The following FSTL4 variants were observed in gnomAD, a reference collection of about 807,000 sequenced individuals.
FSTL4 encodes follistatin like 4.
A neutral mutation model predicts 78.2 loss-of-function variants in FSTL4; 28 were observed. That is an observed-to-expected ratio of 0.36 (90% confidence interval 0.27 to 0.49). The LOEUF (loss-of-function observed/expected upper bound fraction) is 0.49, where lower values mean the gene tolerates loss of function less well. Ranked by LOEUF, FSTL4 falls within the 20% of genes least tolerant of loss-of-function variation. The probability of loss-of-function intolerance (pLI) is 0.98; values close to 1 mark genes in which losing one functional copy is unlikely to be tolerated. For synonymous variants in FSTL4, 422 were observed against 440.5 expected, an observed-to-expected ratio of 0.96 and a Z score of 0.53; for missense variants, 922 against 1,084.9, an observed-to-expected ratio of 0.85 and a Z score of 2.11.
At chr5:133,623,188 A>G in the FSTL4 span, among the ~76,000 whole-genome samples, 1 of 152,048 alleles carries the variant, frequency 6.6e-6, no homozygotes, top group Non-Finnish European at 1.5e-5. Flanking sequence ...TAGAAATTGC[A>G]AGTGTCCCTG....
At chr5:133,578,473 G>C (rs1200134370) in intron 2 of FSTL4, among the ~76,000 whole-genome samples, 2 of 152,218 alleles carry the variant, frequency 1.3e-5, no homozygotes, top group African/African-American at 4.8e-5. Flanking sequence ...GTTCTGTCCA[G>C]GGCTTTCTGA....
At chr5:133,527,205 G>C (rs1759148654) in intron 3 of FSTL4, among the ~76,000 whole-genome samples, 1 of 152,164 alleles carries the variant, frequency 6.6e-6, no homozygotes, top group Non-Finnish European at 1.5e-5. Flanking sequence ...TTTTGATTCT[G>C]TGTTTGAACA....
At chr5:133,811,429 A>G in the FSTL4 span, among the ~76,000 whole-genome samples, 5 of 152,130 alleles carry the variant, frequency 3.3e-5, no homozygotes, top group African/African-American at 1.2e-4. Context: ...CCTATCCTGA[A>G]CAAAAGCTCC....
chr5:133,687,684 A>G, the FSTL4 span, among the ~76,000 whole-genome samples: 1 of 152,222 alleles, frequency 6.6e-6, no homozygotes, highest in Non-Finnish European at 1.5e-5. Context: ...TATTCTCCAA[A>G]TGCATACATT....
At chr5:133,696,780 C>T in the FSTL4 span, among the ~76,000 whole-genome samples, 1 of 152,216 alleles carries the variant, frequency 6.6e-6, no homozygotes. Context: ...ACACCCACAG[C>T]CTCTGTGTTA....
At chr5:133,423,108 A>G (rs1342886892) in intron 3 of FSTL4, among the ~76,000 whole-genome samples, 1 of 152,220 alleles carries the variant, frequency 6.6e-6, no homozygotes, top group East Asian at 1.9e-4. Context: ...GGAAAGAAAA[A>G]GAAAAGATCC....
At chr5:133,657,535 T>A in the FSTL4 span, among the ~76,000 whole-genome samples, 2 of 152,230 alleles carry the variant, frequency 1.3e-5, no homozygotes, top group Admixed American at 6.5e-5. Context: ...TTTGTTATTT[T>A]ATTATTTCTC....
chr5:133,770,240 G>T, the FSTL4 span, among the ~76,000 whole-genome samples: 2 of 151,828 alleles, frequency 1.3e-5, no homozygotes, highest in African/African-American at 4.8e-5. Context: ...TTTCCCTTTG[G>T]GTAGATACTC....
the FSTL4 span, among the ~76,000 whole-genome samples, chr5:133,787,603 G>A: frequency 6.2e-5 from 7 of 113,584 alleles, no homozygotes; most frequent in Non-Finnish European, 1.2e-4. Flanking sequence ...CCTGAGGCCT[G>A]CACTCCACTC....
chr5:133,376,771 C>A (rs1217948758), intron 4 of FSTL4, among the ~76,000 whole-genome samples: 2 of 151,888 alleles, frequency 1.3e-5, no homozygotes, highest in African/African-American at 2.4e-5. Flanking sequence ...CACCTATAAT[C>A]CCAGCTACTT....
At chr5:133,243,498 T>C (rs547161087) in intron 7 of FSTL4, among the ~76,000 whole-genome samples, 1 of 152,296 alleles carries the variant, frequency 6.6e-6, no homozygotes, top group East Asian at 1.9e-4. Context: ...ATTTGATACA[T>C]TCCACTGGGG....
chr5:133,348,674 C>T (rs1754753697), intron 4 of FSTL4, among the ~76,000 whole-genome samples: 1 of 152,224 alleles, frequency 6.6e-6, no homozygotes, highest in Non-Finnish European at 1.5e-5. Context: ...CAACCTGTGC[C>T]TCTCTAGTCC....
rs1390462689 is a variant in FSTL4 at position 133,311,794 on chromosome 5, T to A, written c.727+860A>T. ...CACTTAGGAACTGTGAGCTGGCAGG[T>A]CACACCCAAGGGTATATGCATTGCC... On this transcript the variant is annotated intron_variant, in intron 6 of 15. Transcript: ENST00000265342. Among the ~76,000 whole-genome samples the A allele has an allele frequency of 2.6e-5, 4 of 152,248 alleles. No individual in the cohort carries two copies. The East Asian group carries it at 5.8e-4, about 22-fold the overall frequency.
intron 15 of FSTL4, among the ~76,000 whole-genome samples, chr5:133,200,055 T>C (rs1750272721): frequency 1.3e-5 from 2 of 152,236 alleles, no homozygotes; most frequent in South Asian, 2.1e-4. Flanking sequence ...GAAATGATTA[T>C]GGAGGAAGGC....
intron 4 of FSTL4, among the ~76,000 whole-genome samples, chr5:133,397,234 A>G (rs1343317183): frequency 6.6e-6 from 1 of 152,252 alleles, no homozygotes; most frequent in Non-Finnish European, 1.5e-5. Context: ...CACAAACTCT[A>G]TAAGAAGTTA....
chr5:133,455,802 G>A (rs1757475685), intron 3 of FSTL4, among the ~76,000 whole-genome samples: 1 of 152,222 alleles, frequency 6.6e-6, no homozygotes, highest in Admixed American at 6.5e-5. Context: ...CTCCTGGCCT[G>A]GTGCCCACAC....
At position 133,611,680 on chromosome 5, in the gene FSTL4, G is replaced by T. The variant is rs1370834116; in HGVS notation, c.-11+645C>A. Among the ~76,000 whole-genome samples the T allele has an allele frequency of 1.3e-5, 2 of 152,220 alleles. No individual in the cohort carries two copies. The highest frequency in any genetic ancestry group is 2.9e-5 in the Non-Finnish European group (2 of 68,038). On this transcript the variant is annotated intron_variant, in intron 1 of 15. Coordinates refer to ENST00000265342, the MANE Select transcript of FSTL4 (RefSeq NM_015082.2). This position sits in a 1 kb window ranked among gnomAD's most constrained non-coding sequence, Gnocchi z 4.9. ...CCGGCTACGCACAAGCAGCGCCGCAGGCTGCCTGGAGTCGGGTCGTGCCCT... is the reference window on the plus strand; with the variant it reads ...CCGGCTACGCACAAGCAGCGCCGCATGCTGCCTGGAGTCGGGTCGTGCCCT...
chr5:133,454,183 A>T (rs1179449798), intron 3 of FSTL4, among the ~76,000 whole-genome samples: 1 of 152,196 alleles, frequency 6.6e-6, no homozygotes, highest in Non-Finnish European at 1.5e-5. Flanking sequence ...AAAAAAAAAC[A>T]ACAACAACTA....
Position 133,601,042 on chromosome 5 carries a change from G to C in FSTL4, c.126+2816C>G, listed in dbSNP as rs150561391. 1.7e-3 allele frequency among the ~76,000 whole-genome samples: 264 copies of C among 152,288 alleles called. 1 individual carries two copies. Among genetic ancestry groups the C allele is most frequent in the African/African-American group, 6.0e-3 (249 of 41,550 alleles). On this transcript the variant is annotated intron_variant, in intron 2 of 15. Coordinates refer to ENST00000265342, the MANE Select transcript of FSTL4 (RefSeq NM_015082.2). ...ATAAACTACCCAGAAACTATAACAC[G>C]CAAGGACTATCTTGGATATTAGGAT...
Sources: allele counts gnomAD v4.1 joint callset (sites outside exome capture counted in the v4.1 genomes callset), GRCh38; gene constraint gnomAD v4.1.1; non-coding constraint Gnocchi (gnomAD v3.1); transcripts MANE v1.5; gene names NCBI Gene and HGNC (gene_info 2026-07-23, HGNC 2026-07-21).